The following MARK3 variants were observed in gnomAD, a reference collection of about 807,000 sequenced individuals.
MARK3 encodes the protein MAP/microtubule affinity-regulating kinase 3.
MARK3 carries 46 observed loss-of-function variants against 90.1 expected under a neutral mutation model. That is an observed-to-expected ratio of 0.51 (90% CI 0.40 to 0.65). The LOEUF (loss-of-function observed/expected upper bound fraction) is 0.65, where lower values mean the gene tolerates loss of function less well. Among genes scored for constraint, MARK3 ranks in the 30% least tolerant of loss-of-function variants. The probability of loss-of-function intolerance (pLI) is 0.00; values close to 1 mark genes in which losing one functional copy is unlikely to be tolerated. For missense variants in MARK3, 818 were observed against 947.2 expected (o/e 0.86, Z 1.79); for synonymous variants, 321 against 332.6 (o/e 0.97, Z 0.38).
intron 2 of MARK3, among the ~76,000 whole-genome samples, chr14:103,414,332 A>G (rs894950263): frequency 6.6e-6 from 1 of 151,690 alleles, no homozygotes; most frequent in Non-Finnish European, 1.5e-5. Flanking sequence ...CAGCCTCCCT[A>G]GTAGCTGGGA....
Position 103,386,020 on chromosome 14 carries a change from G to A in MARK3, c.-10G>A, listed in dbSNP as rs750547489. ...GACCCTCGCATTGTGCAGAATTAAAGTGCAGTAAAATGTCCACTAGGACCC... is the reference window on the plus strand; with the variant it reads ...GACCCTCGCATTGTGCAGAATTAAAATGCAGTAAAATGTCCACTAGGACCC... On this transcript the variant is annotated 5_prime_UTR_variant, in exon 1 of 18. It adds an upstream start codon to the 5' untranslated region. Coordinates refer to ENST00000429436, the MANE Select transcript of MARK3 (RefSeq NM_001128918.3). 13 of 1,612,078 alleles carry A rather than the reference G, an allele frequency of 8.1e-6. 1 individual carries two copies. The highest frequency in any genetic ancestry group is 4.4e-5 in the South Asian group (4 of 91,056).
intron 14 of MARK3, among the ~76,000 whole-genome samples, chr14:103,482,596 T>C (rs1566924950): frequency 1.3e-5 from 2 of 152,120 alleles, no homozygotes; most frequent in African/African-American, 2.4e-5. Flanking sequence ...TTCTGAACTT[T>C]AGGATATGTG....
chr14:103,477,416 G>T (rs1233240581), intron 13 of MARK3, among the ~76,000 whole-genome samples: 1 of 151,834 alleles, frequency 6.6e-6, no homozygotes, highest in Non-Finnish European at 1.5e-5. Context: ...TGCTTTAACC[G>T]AGAAGATGGA....
chr14:103,414,892 G>A (rs905697104), intron 2 of MARK3, among the ~76,000 whole-genome samples: 33 of 152,222 alleles, frequency 2.2e-4, no homozygotes, highest in African/African-American at 7.5e-4. Context: ...CAGCACTTTA[G>A]GAGGCCAAGG....
Position 103,503,011 on chromosome 14 carries a change from G to A in MARK3, c.2046G>A (p.Val682=). Residue 682 remains valine, a synonymous_variant, in exon 18 of 18, where the codon GTG becomes GTA. Transcript: ENST00000429436. ...ACATGATGCGGGAAATCCGCAAAGT[G>A]TTGGACGCCAATAACTGCGACTATG... ...PGDMMREIRK[V]LDANNCDYEQ... 6.2e-7 allele frequency: 1 copy of A among 1,614,262 alleles called. No individual in the cohort carries two copies. Among genetic ancestry groups the A allele is most frequent in the East Asian group, 2.2e-5 (1 of 44,896 alleles).
intron 14 of MARK3, among the ~76,000 whole-genome samples, chr14:103,486,193 C>G (rs2093926265): frequency 6.6e-6 from 1 of 152,274 alleles, no homozygotes; most frequent in East Asian, 1.9e-4. Context: ...AATCCCAGCA[C>G]TTTGGGAGGC....
At chr14:103,411,776 C>A (rs1228213700) in intron 2 of MARK3, among the ~76,000 whole-genome samples, 1 of 152,016 alleles carries the variant, frequency 6.6e-6, no homozygotes, top group Non-Finnish European at 1.5e-5. Context: ...GTGTGTGCCA[C>A]CACGCCCAGC....
chr14:103,454,588 C>T (rs2093233476), intron 5 of MARK3, among the ~76,000 whole-genome samples: 1 of 152,070 alleles, frequency 6.6e-6, no homozygotes. Flanking sequence ...AAAACAATTT[C>T]CGGGACATAT....
chr14:103,396,006 G>C (rs574405804), intron 1 of MARK3, among the ~76,000 whole-genome samples: 1 of 152,214 alleles, frequency 6.6e-6, no homozygotes, highest in Non-Finnish European at 1.5e-5. Flanking sequence ...GTTCCAGGGA[G>C]CTGAGTCGGG....
At chr14:103,404,170 G>T (rs962840563) in intron 1 of MARK3, among the ~76,000 whole-genome samples, 2 of 152,120 alleles carry the variant, frequency 1.3e-5, no homozygotes, top group African/African-American at 4.8e-5. Flanking sequence ...AAATTACAAA[G>T]CAGTTTATTA....
chr14:103,485,535 A>C (rs1427247439), intron 14 of MARK3, among the ~76,000 whole-genome samples: 3 of 152,084 alleles, frequency 2.0e-5, no homozygotes, highest in Admixed American at 2.0e-4. Context: ...AGCCTTCCAA[A>C]ACACTAGGTT....
In MARK3 at chr14:103,440,935, T is replaced by TAAAAA. The variant is rs35047818; in HGVS notation, c.298-7975_298-7971dup. 3.1e-5 allele frequency among the ~76,000 whole-genome samples: 4 copies of TAAAAA among 130,844 alleles called. 1 individual carries two copies. Among genetic ancestry groups the TAAAAA allele is most frequent in the East Asian group, 2.2e-4 (1 of 4,548 alleles). The allele number at this position is 130,844 out of a possible 152,430, so 85.8% of individuals were successfully genotyped here. The stretch of plus-strand genomic sequence containing the variant: ...AGGGTAACAGAGCAGGAGCCCCTCT[T>TAAAAA]AAAAAAAAAAAAAGAAAAGAAAAGA... On this transcript the variant is annotated intron_variant, in intron 3 of 17. Transcript: ENST00000429436.
intron 1 of MARK3, among the ~76,000 whole-genome samples, chr14:103,399,157 C>G (rs914879002): frequency 6.6e-6 from 1 of 152,026 alleles, no homozygotes; most frequent in Non-Finnish European, 1.5e-5. Flanking sequence ...TTCCTGCCGG[C>G]AAGGATTTTT....
At chr14:103,501,442 C>T (rs2075659819) in intron 17 of MARK3, among the ~76,000 whole-genome samples, 2 of 152,256 alleles carry the variant, frequency 1.3e-5, no homozygotes, top group African/African-American at 2.4e-5. Flanking sequence ...GGGGTGATGA[C>T]ACTGTGCCTC....
intron 3 of MARK3, among the ~76,000 whole-genome samples, chr14:103,437,548 A>G (rs138586555): frequency 0.012 from 1,798 of 152,322 alleles, 16 homozygotes; most frequent in Non-Finnish European, 0.019. Flanking sequence ...TCTGCCTTCC[A>G]AGGAGCTGGG....
At position 103,470,455 on chromosome 14, in the gene MARK3, A is replaced by ATTTT. The variant is rs6145477; in HGVS notation, c.1264+2283_1264+2286dup. On this transcript the variant is annotated intron_variant, in intron 12 of 17. Transcript: ENST00000429436. ...ATTCCAGGATTCAGGAACTAAATCT[A>ATTTT]TTTTTTTTTTTTTTTTTGAGATGGA... is the stretch of plus-strand genomic sequence containing the variant. Among the ~76,000 whole-genome samples, 19 of 55,048 alleles carry ATTTT rather than the reference A, an allele frequency of 3.5e-4. 3 individuals are homozygous for ATTTT. The highest frequency in any genetic ancestry group is 1.1e-3 in the South Asian group (1 of 880). 36.1% of individuals were successfully genotyped at this position (55,048 alleles called of 152,430 possible). A position where few individuals can be genotyped will look rare whatever the true frequency, so the allele number is the denominator to read the frequency against.
At chr14:103,501,833 A>G (rs980313723) in intron 17 of MARK3, among the ~76,000 whole-genome samples, 3 of 152,172 alleles carry the variant, frequency 2.0e-5, no homozygotes, top group Non-Finnish European at 4.4e-5. Context: ...CATTTTATAC[A>G]TAGGAAGCTT....
chr14:103,477,240 C>T (rs988137422), intron 13 of MARK3, among the ~76,000 whole-genome samples: 16 of 152,090 alleles, frequency 1.1e-4, no homozygotes, highest in Non-Finnish European at 1.5e-5. Flanking sequence ...ACCCGTAATC[C>T]CTGCACTGTG....
Position 103,491,985 on chromosome 14 carries a change from C to T in MARK3, c.1795C>T (p.Arg599Ter), listed in dbSNP as rs1319085433. 4 of 1,614,176 alleles carry T rather than the reference C, an allele frequency of 2.5e-6. No homozygotes were observed. The highest frequency in any genetic ancestry group is 2.5e-6 in the Non-Finnish European group (3 of 1,180,042). ...EATPLSQTRS[R>*]GSTNLFSKLT... ...CACACCATTGTCCCAGACTCGAAGC[C>T]GAGGCTCCACTAATCTCTTTAGTAA... Residue 599 changes from arginine to a stop codon, truncating the protein, a stop_gained, in exon 15 of 18, where the codon CGA becomes TGA. Transcript: ENST00000429436. LOFTEE classifies it high-confidence loss of function.
Sources: gnomAD v4.1 joint callset for allele counts (sites outside exome capture counted in the v4.1 genomes callset) on GRCh38, gnomAD v4.1.1 for gene constraint, MANE v1.5 for transcripts, NCBI Gene and HGNC (gene_info 2026-07-23, HGNC 2026-07-21) for gene names.